FAM222B: variants seen among roughly 807,000 people sequenced by gnomAD.
FAM222B encodes family with sequence similarity 222 member B.
Under a neutral mutation model 38.0 loss-of-function variants are expected in FAM222B, and 12 were observed. The observed-to-expected ratio is 0.32, with a 90% CI of 0.20 to 0.51. FAM222B has a LOEUF of 0.51. FAM222B is among the 20% of genes least tolerant of loss of function. The pLI, the probability that FAM222B is intolerant of heterozygous loss-of-function variation, is 0.97. For missense variants in FAM222B, 716 were observed against 754.2 expected, an observed-to-expected ratio of 0.95 and a Z score of 0.59; for synonymous variants, 329 against 317.2, an observed-to-expected ratio of 1.04 and a Z score of -0.40.
chr17:28,768,070 G>C (rs2035426506), intron 1 of FAM222B, among the ~76,000 whole-genome samples: 1 of 152,178 alleles, frequency 6.6e-6, no homozygotes, highest in Non-Finnish European at 1.5e-5. Flanking sequence ...AGACATTGAT[G>C]GGGCCTTCTG....
intron 2 of FAM222B, among the ~76,000 whole-genome samples, chr17:28,760,908 G>T (rs1006150987): frequency 6.6e-6 from 1 of 152,208 alleles, no homozygotes. Context: ...TTTACTCTAT[G>T]CCCGACTGGA....
intron 1 of FAM222B, among the ~76,000 whole-genome samples, chr17:28,775,887 A>C (rs920425203): frequency 1.1e-4 from 17 of 151,124 alleles, no homozygotes; most frequent in Admixed American, 2.0e-4. Flanking sequence ...TCTCCAAAAA[A>C]AAAAACAAAA....
At chr17:28,788,959 C>T (rs2036538462) in intron 1 of FAM222B, among the ~76,000 whole-genome samples, 1 of 151,124 alleles carries the variant, frequency 6.6e-6, no homozygotes, top group South Asian at 2.1e-4. Context: ...GTTAGCCAGG[C>T]TGGTCTTGAA....
intron 1 of FAM222B, among the ~76,000 whole-genome samples, chr17:28,839,804 A>G (rs936831578): frequency 1.3e-5 from 2 of 152,144 alleles, no homozygotes; most frequent in African/African-American, 2.4e-5. Context: ...TTAAAATTAT[A>G]CATCACTGTG....
intron 1 of FAM222B, among the ~76,000 whole-genome samples, chr17:28,781,264 C>T (rs1341752236): frequency 6.6e-6 from 1 of 152,096 alleles, no homozygotes; most frequent in African/African-American, 2.4e-5. Flanking sequence ...TGCCACTATA[C>T]TCCAGCCTGG....
At chr17:28,848,377 C>T (rs1478532573) in intron 1 of FAM222B, among the ~76,000 whole-genome samples, 1 of 152,028 alleles carries the variant, frequency 6.6e-6, no homozygotes, top group Non-Finnish European at 1.5e-5. Flanking sequence ...TCTGAGTTTG[C>T]AGTAGGGGTG....
intron 1 of FAM222B, among the ~76,000 whole-genome samples, chr17:28,783,493 A>C (rs981295877): frequency 6.6e-6 from 1 of 151,348 alleles, no homozygotes; most frequent in South Asian, 2.1e-4. Flanking sequence ...CCATTTATAA[A>C]ATGTACCCTA....
Position 28,795,130 on chromosome 17 carries a change from AAGAG to A in FAM222B, c.-40-28427_-40-28424del, listed in dbSNP as rs948973901. 3.9e-5 allele frequency among the ~76,000 whole-genome samples: 6 copies of A among 151,904 alleles called. 1 individual carries two copies. The highest frequency in any genetic ancestry group is 1.5e-4 in the African/African-American group (6 of 41,374). ...AAACCCTAAAATTCCTATACAGCAA[AAGAG>A]ACGTGTCCTCAGTGTCCTATTGATT... On this transcript the variant is annotated intron_variant, in intron 1 of 2. Transcript: ENST00000581407.
intron 1 of FAM222B, chr17:28,777,156 G>A (rs545414363): frequency 1.3e-5 from 2 of 152,110 alleles, no homozygotes; most frequent in Non-Finnish European, 2.9e-5. Context: ...TAGGCTAGAG[G>A]AAACAGCAAG....
At chr17:28,767,865 T>G (rs181627196) in intron 1 of FAM222B, among the ~76,000 whole-genome samples, 1 of 152,176 alleles carries the variant, frequency 6.6e-6, no homozygotes, top group Non-Finnish European at 1.5e-5. Flanking sequence ...TTTCTGGGGC[T>G]TCACCCTTCC....
intron 1 of FAM222B, among the ~76,000 whole-genome samples, chr17:28,829,709 A>G (rs2038591446): frequency 6.6e-6 from 1 of 152,148 alleles, no homozygotes; most frequent in Non-Finnish European, 1.5e-5. Context: ...TTGTTTATCC[A>G]TTCCCCAGCT....
At chr17:28,804,144 T>G (rs1409594451) in intron 1 of FAM222B, among the ~76,000 whole-genome samples, 3 of 152,232 alleles carry the variant, frequency 2.0e-5, no homozygotes, top group African/African-American at 7.2e-5. Flanking sequence ...TATCTTCTCC[T>G]CCCCTTGGCA....
chr17:28,830,209 T>G (rs2038617495), intron 1 of FAM222B, among the ~76,000 whole-genome samples: 2 of 145,584 alleles, frequency 1.4e-5, no homozygotes, highest in Non-Finnish European at 3.0e-5. Flanking sequence ...TTGCCCAGGC[T>G]GGAGTGCAGT....
intron 1 of FAM222B, among the ~76,000 whole-genome samples, chr17:28,813,769 A>C: frequency 6.7e-6 from 1 of 150,076 alleles, no homozygotes; most frequent in South Asian, 2.1e-4. Context: ...GACGGTCTCG[A>C]TCTCCTGACG....
intron 1 of FAM222B, among the ~76,000 whole-genome samples, chr17:28,772,881 C>A (rs982594584): frequency 1.3e-5 from 2 of 151,998 alleles, no homozygotes; most frequent in Non-Finnish European, 2.9e-5. Context: ...GGCGACAGAG[C>A]GAGACTCTGT....
upstream of FAM222B, among the ~76,000 whole-genome samples, chr17:28,844,535 G>A (rs1484942737): frequency 1.3e-5 from 2 of 152,288 alleles, no homozygotes; most frequent in Admixed American, 6.5e-5. Flanking sequence ...GCGGGCGCCT[G>A]TAGTCCCAGC....
At chr17:28,775,113 G>A (rs1343446648) in intron 1 of FAM222B, among the ~76,000 whole-genome samples, 1 of 143,454 alleles carries the variant, frequency 7.0e-6, no homozygotes, top group Non-Finnish European at 1.5e-5. Context: ...CAATTCTCCT[G>A]CCTCAGCCTC....
chr17:28,816,008 C>T (rs1313165686), intron 1 of FAM222B, among the ~76,000 whole-genome samples: 1 of 148,656 alleles, frequency 6.7e-6, no homozygotes, highest in Non-Finnish European at 1.5e-5. Flanking sequence ...TGGTAGCTGA[C>T]GCCTGTAATC....
intron 1 of FAM222B, among the ~76,000 whole-genome samples, chr17:28,818,255 G>A (rs1408273980): frequency 1.3e-5 from 2 of 152,008 alleles, no homozygotes; most frequent in African/African-American, 4.8e-5. Flanking sequence ...TAGGCCAGGC[G>A]CGGTGGCTCA....
Sources: allele counts gnomAD v4.1 joint callset (sites outside exome capture counted in the v4.1 genomes callset), GRCh38; gene constraint gnomAD v4.1.1; transcripts MANE v1.5; gene names NCBI Gene and HGNC (gene_info 2026-07-23, HGNC 2026-07-21).